The following DCBLD1 variants were observed in gnomAD, a reference collection of about 807,000 sequenced individuals.
DCBLD1 encodes discoidin, CUB and LCCL domain containing 1, also known as discoidin, CUB and LCCL domain-containing protein 1.
Under a neutral mutation model 71.5 loss-of-function variants are expected in DCBLD1, and 57 were observed. That is an observed-to-expected ratio of 0.80 (90% confidence interval 0.64 to 0.99). DCBLD1 has a LOEUF of 0.99. Among genes scored for constraint, DCBLD1 ranks in the 50% least tolerant of loss-of-function variants. The pLI, the probability that DCBLD1 is intolerant of heterozygous loss-of-function variation, is 0.00. For synonymous variants in DCBLD1, 380 were observed against 363.8 expected (o/e 1.04, Z -0.51); for missense variants, 891 against 923.5 (o/e 0.96, Z 0.46).
chr6:117,511,449 C>T (rs1416951533), intron 2 of DCBLD1, among the ~76,000 whole-genome samples: 7 of 152,144 alleles, frequency 4.6e-5, no homozygotes, highest in Non-Finnish European at 8.8e-5. Flanking sequence ...AAATTGTTCT[C>T]CTACGTTTTC....
chr6:117,563,983 CT>C (rs1223276650), intron 14 of DCBLD1, among the ~76,000 whole-genome samples: 3 of 117,924 alleles, frequency 2.5e-5, no homozygotes, highest in South Asian at 2.7e-4. Flanking sequence ...TTTTTTTTTT[CT>C]TTTTTTTTTC....
intron 2 of DCBLD1, among the ~76,000 whole-genome samples, chr6:117,512,198 T>A (rs210609): frequency 0.7 from 105,886 of 151,936 alleles, 37,677 homozygotes; most frequent in African/African-American, 0.81. Context: ...TTAAGTGGGT[T>A]GTGAACTCCC....
At chr6:117,563,459 T>A in intron 14 of DCBLD1, 5 of 1,426,418 alleles carry the variant, frequency 3.5e-6, no homozygotes, top group Non-Finnish European at 3.9e-6. Flanking sequence ...CAGTGGCTCA[T>A]ACCTGTAATC....
chr6:117,559,917 A>G (rs1197143404), intron 14 of DCBLD1, among the ~76,000 whole-genome samples: 1 of 152,224 alleles, frequency 6.6e-6, no homozygotes, highest in East Asian at 1.9e-4. Flanking sequence ...GCATATATGT[A>G]TTAGCACTAA....
chr6:117,562,073 T>C (rs1779594983), intron 14 of DCBLD1: 1 of 206,196 alleles, frequency 4.8e-6, no homozygotes, highest in Admixed American at 5.9e-5. Context: ...TGTTGTGACT[T>C]TGCCTAGCAG....
intron 1 of DCBLD1, among the ~76,000 whole-genome samples, chr6:117,500,979 A>C (rs1777637204): frequency 9.2e-6 from 1 of 109,220 alleles, no homozygotes; most frequent in Non-Finnish European, 1.8e-5. Context: ...TCCTTATTTC[A>C]TATTTAACTG....
intron 4 of DCBLD1, among the ~76,000 whole-genome samples, chr6:117,522,992 T>C (rs1778433933): frequency 6.6e-6 from 1 of 152,236 alleles, no homozygotes; most frequent in Non-Finnish European, 1.5e-5. Flanking sequence ...ACTCTAGTGT[T>C]AACTAATATT....
intron 14 of DCBLD1, among the ~76,000 whole-genome samples, chr6:117,567,960 G>A (rs1027416323): frequency 6.7e-6 from 1 of 150,206 alleles, no homozygotes; most frequent in African/African-American, 2.5e-5. Context: ...GGAGGCTGAG[G>A]CAGGTGGATC....
chr6:117,521,440 CTTTTA>C, intron 3 of DCBLD1, 80 bp from the exon 4 acceptor site: 2 of 1,213,138 alleles, frequency 1.6e-6, no homozygotes, highest in Non-Finnish European at 2.3e-6. Context: ...TTTAAAAACT[CTTTTA>C]TTTTAAAAGA....
downstream of DCBLD1, among the ~76,000 whole-genome samples, chr6:117,551,367 T>G (rs1299071892): frequency 1.0e-4 from 1 of 9,808 alleles, no homozygotes; most frequent in African/African-American, 1.4e-3. Flanking sequence ...GTATTTCCAT[T>G]TATTTATTTA....
At chr6:117,523,656 C>T (rs1437275090) in intron 4 of DCBLD1, among the ~76,000 whole-genome samples, 7 of 151,964 alleles carry the variant, frequency 4.6e-5, no homozygotes, top group African/African-American at 1.2e-4. Flanking sequence ...TTCTTAATTC[C>T]GCGAGTACTG....
chr6:117,534,414 A>C (rs1431580256), intron 6 of DCBLD1, among the ~76,000 whole-genome samples: 1 of 152,188 alleles, frequency 6.6e-6, no homozygotes, highest in African/African-American at 2.4e-5. Context: ...TTGAGAATGT[A>C]TTCCTTTTTA....
rs183648747 is a variant in DCBLD1 at position 117,514,893 on chromosome 6, C to G, written c.326-4923C>G. On this transcript the variant is annotated intron_variant, in intron 2 of 14. Coordinates refer to ENST00000338728, the MANE Select transcript of DCBLD1 (RefSeq NM_001366458.2). Reference sequence around the variant, plus strand: ...AACTTAGTATGATGGTATACACTCTCATTTGTGTAAAATATGTATACTTTT... The same window carrying G: ...AACTTAGTATGATGGTATACACTCTGATTTGTGTAAAATATGTATACTTTT... Among the ~76,000 whole-genome samples, 47 of 151,910 alleles carry G rather than the reference C, an allele frequency of 3.1e-4. No homozygotes were observed. The East Asian group carries it at 8.5e-3, about 27-fold the overall frequency.
intron 2 of DCBLD1, among the ~76,000 whole-genome samples, chr6:117,518,927 T>C (rs554959313): frequency 1.3e-5 from 2 of 152,344 alleles, no homozygotes; most frequent in Non-Finnish European, 2.9e-5. Context: ...AGCAGTCTTT[T>C]TCTTTTATTC....
At chr6:117,515,639 C>T (rs1778168955) in intron 2 of DCBLD1, among the ~76,000 whole-genome samples, 2 of 152,186 alleles carry the variant, frequency 1.3e-5, no homozygotes, top group Admixed American at 1.3e-4. Context: ...AAATGCTTAT[C>T]ATTCTACTTA....
intron 9 of DCBLD1, 99 bp from the exon 10 acceptor site, chr6:117,540,569 A>G: frequency 6.9e-7 from 1 of 1,459,400 alleles, no homozygotes; most frequent in Non-Finnish European, 9.3e-7. Flanking sequence ...CCGACATAGA[A>G]TCCTTGCCTT....
At chr6:117,489,186 G>A (rs1006721089) in intron 1 of DCBLD1, among the ~76,000 whole-genome samples, 5 of 152,162 alleles carry the variant, frequency 3.3e-5, no homozygotes. Context: ...GAGGGCCTCA[G>A]GAAGCTTGCG....
intron 1 of DCBLD1, among the ~76,000 whole-genome samples, chr6:117,503,103 G>A (rs2114423239): frequency 6.6e-6 from 1 of 152,312 alleles, no homozygotes; most frequent in East Asian, 1.9e-4. Context: ...GACAGCAAGT[G>A]CTGCTTTTGT....
At chr6:117,510,487 A>G (rs1488585189) in intron 2 of DCBLD1, among the ~76,000 whole-genome samples, 1 of 152,114 alleles carries the variant, frequency 6.6e-6, no homozygotes, top group Non-Finnish European at 1.5e-5. Context: ...CTCTTTCTAA[A>G]GTTTCAGTAG....
Sources: gnomAD v4.1 joint callset for allele counts (sites outside exome capture counted in the v4.1 genomes callset) on GRCh38, gnomAD v4.1.1 for gene constraint, MANE v1.5 for transcripts, NCBI Gene and HGNC (gene_info 2026-07-23, HGNC 2026-07-21) for gene names.